Variants in SERINC4 observed in about 807,000 individuals in gnomAD.
SERINC4 encodes the protein serine incorporator 4.
Under a neutral mutation model 52.0 loss-of-function variants are expected in SERINC4, and 52 were observed. That is an observed-to-expected ratio of 1.00 (90% CI 0.80 to 1.26). SERINC4 has a LOEUF of 1.26. SERINC4 is among the 50% of genes most tolerant of loss of function. SERINC4 has a pLI of 0.00. For synonymous variants in SERINC4, 264 were observed against 247.7 expected (o/e 1.07, Z -0.62); for missense variants, 723 against 632.8 (o/e 1.14, Z -1.53).
chr15:43,799,181 A>G, intron 2 of SERINC4, 44 bp from the exon 3 acceptor site: 1 of 1,528,356 alleles, frequency 6.5e-7, no homozygotes, highest in Non-Finnish European at 8.9e-7. Context: ...GTCATAATGC[A>G]TGGAAAGGTA....
chr15:43,795,107 A>G lies in SERINC4; in HGVS notation c.1450T>C (p.Leu484=), dbSNP rs1303054153. 2 of 1,614,082 alleles carry G rather than the reference A, an allele frequency of 1.2e-6. No homozygotes were observed. The highest frequency in any genetic ancestry group is 1.3e-5 in the African/African-American group (1 of 75,028). The change falls in exon 12 of 12, where the codon TTA becomes CTA. Residue 484 remains leucine, a synonymous_variant. Coordinates refer to ENST00000319327, the MANE Select transcript of SERINC4 (RefSeq NM_001258031.2). ...WACVLLYLGL[L]LAPLCWPPTQ... ...GGGGGCCAACAGAGTGGTGCCAGTAACAGCCCCAGATAGAGGAGTACGCAG... is the reference window on the plus strand; with the variant it reads ...GGGGGCCAACAGAGTGGTGCCAGTAGCAGCCCCAGATAGAGGAGTACGCAG...
In SERINC4 at chr15:43,795,662, C is replaced by T. The variant is rs767647154; in HGVS notation, c.1189+26G>A. The T allele has an allele frequency of 1.8e-5, 29 of 1,613,400 alleles. No homozygotes were observed. The East Asian group carries it at 6.2e-4, about 35-fold the overall frequency. ...GGCACTCCACAGAGATCTACCACTTCTTATGGTTCCTCACTTGGCACTCAC... is the reference window on the plus strand; with the variant it reads ...GGCACTCCACAGAGATCTACCACTTTTTATGGTTCCTCACTTGGCACTCAC... On this transcript the variant is annotated intron_variant, in intron 10 of 11. Transcript: ENST00000319327.
At chr15:43,795,908 T>C in intron 9 of SERINC4, 172 bp from the exon 10 acceptor site, 1 of 683,042 alleles carries the variant, frequency 1.5e-6, no homozygotes, top group South Asian at 1.9e-5. Context: ...AGATGTTTAA[T>C]CTTTTGTGCC....
chr15:43,796,906 G>T lies in SERINC4; in HGVS notation c.879C>A (p.Val293=). The T allele has an allele frequency of 6.2e-7, 1 of 1,614,100 alleles. No individual in the cohort carries two copies. Among genetic ancestry groups the T allele is most frequent in the Non-Finnish European group, 8.5e-7 (1 of 1,179,982 alleles). ...QPRSGLLQAS[V]ISCYIMYLTF... ...TCAGATACATGATATAGCAGCTGAT[G>T]ACAGAAGCTTGTAGGAGGCCAGAGC... The change falls in exon 7 of 12, where the codon GTC becomes GTA. Residue 293 remains valine, a synonymous_variant. Coordinates refer to ENST00000319327, the MANE Select transcript of SERINC4 (RefSeq NM_001258031.2).
chr15:43,797,724 TC>T, intron 5 of SERINC4, 195 bp downstream of exon 5: 1 of 571,306 alleles, frequency 1.8e-6, no homozygotes, highest in Non-Finnish European at 3.2e-6. Context: ...TACCAACTAC[TC>T]CCCTGCTCTC....
At position 43,798,022 on chromosome 15, in the gene SERINC4, T is replaced by A; in HGVS notation, c.539-9A>T. The A allele has an allele frequency of 6.3e-7, 1 of 1,588,994 alleles. No individual in the cohort carries two copies. Among genetic ancestry groups the A allele is most frequent in the Non-Finnish European group, 8.6e-7 (1 of 1,162,536 alleles). ...GCCAATGTAATGCCATGCTGCAAGA[T>A]GGGCACCAGTGGAAAAATGTCAAAT... On this transcript the variant is annotated splice_polypyrimidine_tract_variant and intron_variant, in intron 4 of 11. Transcript: ENST00000319327.
At chr15:43,798,066 T>C in intron 4 of SERINC4, 53 bp from the exon 5 acceptor site, 2 of 1,322,580 alleles carry the variant, frequency 1.5e-6, no homozygotes, top group Non-Finnish European at 2.2e-6. Flanking sequence ...TTTTTTTTTT[T>C]TGAGACAGAG....
chr15:43,798,809 A>G, intron 3 of SERINC4, 150 bp downstream of exon 3: 2 of 793,118 alleles, frequency 2.5e-6, no homozygotes, highest in East Asian at 2.7e-5. Flanking sequence ...GTCTGGCTCA[A>G]GGTTACACAG....
rs535289627 is a variant in SERINC4 at position 43,797,927 on chromosome 15, T to C, written c.625A>G (p.Lys209Glu). 6.2e-7 allele frequency: 1 copy of C among 1,611,820 alleles called. No individual in the cohort carries two copies. The highest frequency in any genetic ancestry group is 1.3e-5 in the African/African-American group (1 of 74,988). ...GGGTTATGTGCCCCTTACCAGTTCT[T>C]GTTCCAGGAATGGGCAAAAGCTGTA... ...LITAFAHSWNKNWQTGAAQDC... is the reference protein window; with the variant it reads ...LITAFAHSWNENWQTGAAQDC... The change falls in exon 5 of 12, where the codon AAG becomes GAG. Residue 209 changes from lysine to glutamate, a missense_variant. Physicochemically the swap from Lys to Glu is moderately conservative, Grantham distance 56. Coordinates refer to ENST00000319327, the MANE Select transcript of SERINC4 (RefSeq NM_001258031.2).
Position 43,794,199 on chromosome 15 carries a change from T to A in SERINC4, c.*801A>T, listed in dbSNP as rs1596042879. The A allele has an allele frequency of 7.7e-6, 4 of 517,682 alleles. No individual in the cohort carries two copies. The Admixed American group carries it at 1.1e-4, about 14-fold the overall frequency. 32.1% of individuals were successfully genotyped at this position (517,682 alleles called of 1,614,324 possible). ...CACAGAAGAAGCCTTTATTATACAA[T>A]GACAACCAAACAAGTACTCCGGATA... On this transcript the variant is annotated 3_prime_UTR_variant, in exon 12 of 12. Transcript: ENST00000319327.
At chr15:43,796,577 C>T in intron 8 of SERINC4, 39 bp downstream of exon 8, 1 of 1,606,232 alleles carries the variant, frequency 6.2e-7, no homozygotes, top group Non-Finnish European at 8.5e-7. Context: ...GTCTTGGGCA[C>T]CCTCCTTTCA....
chr15:43,795,355 T>G lies in SERINC4; in HGVS notation c.1343+33A>C, dbSNP rs78564930. The G allele has an allele frequency of 4.0e-4, 648 of 1,612,618 alleles. 4 individuals are homozygous for G. In the African/African-American group the frequency reaches 8.0e-3, roughly 20 times the overall value. On this transcript the variant is annotated intron_variant, in intron 11 of 11. Coordinates refer to ENST00000319327, the MANE Select transcript of SERINC4 (RefSeq NM_001258031.2). ...CTCTTTCCTTAAAATAGCTAGCTCT[T>G]CAGGAGAGTATCTAAGGCCCACTCC...
Position 43,795,520 on chromosome 15 carries a change from C to T in SERINC4, c.1211G>A (p.Arg404Lys), listed in dbSNP as rs201646905. 99 of 1,614,180 alleles carry T rather than the reference C, an allele frequency of 6.1e-5. 2 individuals are homozygous for T. In the South Asian group the frequency reaches 9.7e-4, roughly 16 times the overall value. ...TGGAGGGGTTTCTTGGTCAGCTGGC[C>T]TCGCAGCCCCACCCCTTTGCCCTGG... ...ADKGQRGGAA[R>K]PADQETPPAP... is the part of the protein sequence containing the mutation. The change falls in exon 11 of 12, where the codon AGG becomes AAG. Residue 404 changes from arginine to lysine, a missense_variant. By Grantham distance (26) the Arg-to-Lys change is conservative (BLOSUM62 2). Coordinates refer to ENST00000319327, the MANE Select transcript of SERINC4 (RefSeq NM_001258031.2).
At chr15:43,796,324 G>GTACC in intron 8 of SERINC4, 97 bp from the exon 9 acceptor site, 2 of 926,910 alleles carry the variant, frequency 2.2e-6, no homozygotes, top group Middle Eastern at 2.1e-4. Flanking sequence ...CCTCAAAAGG[G>GTACC]TACCATACTC....
chr15:43,799,820 T>TG, intron 1 of SERINC4, 65 bp downstream of exon 1: 1 of 1,272,568 alleles, frequency 7.9e-7, no homozygotes, highest in Non-Finnish European at 1.1e-6. Flanking sequence ...AGGCCTGTCG[T>TG]TTTTATTGGC....
At chr15:43,799,607 C>T (rs1207879250) in intron 1 of SERINC4, 121 bp from the exon 2 acceptor site, 6 of 1,255,176 alleles carry the variant, frequency 4.8e-6, no homozygotes, top group South Asian at 1.3e-5. Flanking sequence ...CCCCTTTCTT[C>T]CTTTTACTCA....
intron 9 of SERINC4, 184 bp from the exon 10 acceptor site, chr15:43,795,920 C>G: frequency 1.5e-6 from 1 of 659,222 alleles, no homozygotes; most frequent in Non-Finnish European, 2.6e-6. Context: ...TTTTGTGCCT[C>G]GATTTCTCCA....
intron 6 of SERINC4, 28 bp from the exon 7 acceptor site, chr15:43,796,968 C>CTA: frequency 6.3e-7 from 1 of 1,588,058 alleles, no homozygotes; most frequent in Non-Finnish European, 8.6e-7. Flanking sequence ...TTGCTTTAGT[C>CTA]TACAGGCTGG....
chr15:43,798,169 C>G lies in SERINC4; in HGVS notation c.539-156G>C, dbSNP rs573731933. The G allele has an allele frequency of 1.4e-5, 9 of 632,368 alleles. 1 individual carries two copies. The African/African-American group carries it at 1.5e-4, about 10-fold the overall frequency. 39.2% of individuals were successfully genotyped at this position (632,368 alleles called of 1,614,324 possible). ...GGTTCAAGTGATTCTTCTGCCTCCA[C>G]CTCCTGAGCAGCTGGGATTACAGGT... On this transcript the variant is annotated intron_variant, in intron 4 of 11. Transcript: ENST00000319327.
Sources: gnomAD v4.1 joint callset for allele counts on GRCh38, gnomAD v4.1.1 for gene constraint, MANE v1.5 for transcripts, NCBI Gene and HGNC (gene_info 2026-07-23, HGNC 2026-07-21) for gene names.